Variants in MAP4K4 observed in about 807,000 individuals in gnomAD.
MAP4K4 encodes the protein HPK/GCK-like kinase HGK.
MAP4K4 carries 38 observed loss-of-function variants against 189.6 expected under a neutral mutation model. That is an observed-to-expected ratio of 0.20 (90% CI 0.15 to 0.26). The LOEUF is 0.26. Ranked by LOEUF, MAP4K4 falls within the 10% of genes least tolerant of loss-of-function variation. MAP4K4 has a pLI of 1.00. For synonymous variants in MAP4K4, 610 were observed against 624.3 expected (o/e 0.98, Z 0.34); for missense variants, 1,054 against 1,726.9 (o/e 0.61, Z 6.91).
At chr2:101,784,994 A>T (rs536944091) in intron 2 of MAP4K4, among the ~76,000 whole-genome samples, 1 of 152,292 alleles carries the variant, frequency 6.6e-6, no homozygotes, top group East Asian at 1.9e-4. Flanking sequence ...TAACTGCCCC[A>T]AGAGTAGGGC....
At chr2:101,891,957 C>G (rs530752946) in exon 33 of MAP4K4, 2 of 117,230 alleles carry the variant, frequency 1.7e-5, no homozygotes, top group Non-Finnish European at 3.2e-5. Flanking sequence ...TTCTGTGTAC[C>G]AGGTTGCCTA....
At chr2:101,866,688 A>G in intron 19 of MAP4K4, 109 bp downstream of exon 19, 1 of 1,370,608 alleles carries the variant, frequency 7.3e-7, no homozygotes, top group South Asian at 1.4e-5. Context: ...GTCACAAAAC[A>G]ATGTTTTAGC....
chr2:101,769,683 A>G (rs1213984775), intron 2 of MAP4K4, among the ~76,000 whole-genome samples: 2 of 151,788 alleles, frequency 1.3e-5, no homozygotes, highest in Non-Finnish European at 2.9e-5. Flanking sequence ...TCCTGGGTTC[A>G]AGTAATTCTC....
At chr2:101,704,607 C>G (rs543024167) in intron 2 of MAP4K4, among the ~76,000 whole-genome samples, 2 of 108,582 alleles carry the variant, frequency 1.8e-5, no homozygotes, top group East Asian at 5.7e-4. Flanking sequence ...GTGTCTCGCT[C>G]TGTCGCCCAG....
chr2:101,754,374 T>C (rs1364663138), intron 2 of MAP4K4, among the ~76,000 whole-genome samples: 1 of 128,436 alleles, frequency 7.8e-6, no homozygotes, highest in African/African-American at 3.1e-5. Flanking sequence ...TTTTGAGAGA[T>C]GGAATCTTGC....
intron 2 of MAP4K4, among the ~76,000 whole-genome samples, chr2:101,710,431 G>T (rs1297297451): frequency 6.6e-6 from 1 of 152,092 alleles, no homozygotes; most frequent in Non-Finnish European, 1.5e-5. Flanking sequence ...TTGTTTCACT[G>T]TCTACAGATA....
chr2:101,863,903 A>G (rs1311238947), exon 17 of MAP4K4: 3 of 1,367,436 alleles, frequency 2.2e-6, no homozygotes, highest in East Asian at 4.6e-5. Context: ...CCTTCTCCCA[A>G]ATTTGCACAC....
chr2:101,844,678 CT>C (rs2097035427), intron 12 of MAP4K4, among the ~76,000 whole-genome samples: 1 of 152,096 alleles, frequency 6.6e-6, no homozygotes, highest in Non-Finnish European at 1.5e-5. Flanking sequence ...TGCTTTTCTA[CT>C]CTCAGCCTCT....
intron 3 of MAP4K4, among the ~76,000 whole-genome samples, chr2:101,812,138 GTAGTT>G (rs1353500663): frequency 6.6e-6 from 1 of 152,120 alleles, no homozygotes; most frequent in Non-Finnish European, 1.5e-5. Context: ...TAGGTGTGTG[GTAGTT>G]TATGGTCCTC....
At chr2:101,850,073 G>T (rs1468795256) in intron 12 of MAP4K4, among the ~76,000 whole-genome samples, 1 of 152,038 alleles carries the variant, frequency 6.6e-6, no homozygotes, top group Non-Finnish European at 1.5e-5. Context: ...ACTCTCAGTT[G>T]TCACTTTGTG....
intron 2 of MAP4K4, among the ~76,000 whole-genome samples, chr2:101,749,118 CA>C (rs2067197597): frequency 6.7e-6 from 1 of 149,882 alleles, no homozygotes; most frequent in African/African-American, 2.4e-5. Flanking sequence ...CCATCCCCAT[CA>C]AGCTACCAAT....
chr2:101,856,219 C>G, intron 13 of MAP4K4, 81 bp downstream of exon 13: 1 of 1,395,584 alleles, frequency 7.2e-7, no homozygotes, highest in Non-Finnish European at 9.7e-7. Flanking sequence ...AGAAAGTATA[C>G]ACACATGTGA....
chr2:101,824,344 C>G (rs888778136), intron 4 of MAP4K4, among the ~76,000 whole-genome samples: 10 of 152,046 alleles, frequency 6.6e-5, no homozygotes, highest in Admixed American at 6.6e-4. Context: ...AAATTAGGAG[C>G]TTGAAAGCAA....
intron 2 of MAP4K4, among the ~76,000 whole-genome samples, chr2:101,731,485 G>A (rs1212326975): frequency 6.6e-6 from 1 of 152,110 alleles, no homozygotes; most frequent in Non-Finnish European, 1.5e-5. Flanking sequence ...TGGGCTGGGG[G>A]TGGTGGCTCA....
exon 17 of MAP4K4, chr2:101,864,005 C>T (rs761656153): frequency 7.3e-7 from 1 of 1,367,704 alleles, no homozygotes. Context: ...CCTGACCCTA[C>T]CCAAAAGGCT....
At chr2:101,855,212 G>A (rs1054507096) in intron 12 of MAP4K4, among the ~76,000 whole-genome samples, 19 of 152,180 alleles carry the variant, frequency 1.2e-4, no homozygotes, top group Non-Finnish European at 4.4e-5. Flanking sequence ...CTGTTGATGG[G>A]ATGCAGGGTA....
chr2:101,834,372 A>G (rs897122847), intron 7 of MAP4K4, 37 bp from the exon 8 acceptor site: 12 of 1,512,668 alleles, frequency 7.9e-6, no homozygotes, highest in Non-Finnish European at 1.0e-5. Context: ...CTTTGTATCT[A>G]CTCCAGTATC....
At chr2:101,817,326 A>G (rs528582074) in intron 3 of MAP4K4, among the ~76,000 whole-genome samples, 1 of 152,246 alleles carries the variant, frequency 6.6e-6, no homozygotes, top group African/African-American at 2.4e-5. Flanking sequence ...TAAGATCACC[A>G]TGTTCGTTAT....
At chr2:101,720,639 C>T (rs996009456) in intron 2 of MAP4K4, among the ~76,000 whole-genome samples, 1 of 152,158 alleles carries the variant, frequency 6.6e-6, no homozygotes, top group Non-Finnish European at 1.5e-5. Context: ...TCATCTTACT[C>T]GTTAAAACAA....
Sources: gnomAD v4.1 joint callset for allele counts (sites outside exome capture counted in the v4.1 genomes callset) on GRCh38, gnomAD v4.1.1 for gene constraint, MANE v1.5 for transcripts, NCBI Gene and HGNC (gene_info 2026-07-23, HGNC 2026-07-21) for gene names.